The following NOL8 variants were observed in gnomAD, a reference collection of about 807,000 sequenced individuals.
NOL8 encodes nucleolar protein 8, also known as nucleolar protein Nop132.
NOL8 carries 93 observed loss-of-function variants against 116.1 expected under a neutral mutation model. The ratio of observed to expected loss-of-function variants is 0.80; its 90% CI spans 0.68 to 0.95. NOL8 has a LOEUF of 0.95. Ranked by LOEUF, NOL8 falls within the 40% of genes least tolerant of loss-of-function variation. NOL8 has a pLI of 0.00. For synonymous variants in NOL8, 419 were observed against 469.0 expected, an observed-to-expected ratio of 0.89 and a Z score of 1.38; for missense variants, 1,291 against 1,382.8, an observed-to-expected ratio of 0.93 and a Z score of 1.05.
intron 12 of NOL8, among the ~76,000 whole-genome samples, 162 bp downstream of exon 12, chr9:92,305,591 C>T (rs755273284): frequency 6.6e-6 from 1 of 152,180 alleles, no homozygotes; most frequent in Non-Finnish European, 1.5e-5. Flanking sequence ...TCCTCCACCA[C>T]ATCAATAATT....
chr9:92,315,001 C>T lies in NOL8; in HGVS notation c.1624G>A (p.Ala542Thr), dbSNP rs757443793. ...TCTAACAGGGAAGCCACAATCTCCG[C>T]AGGACGAATACACTGTCGGCCTCTG... ...LRRGRQCIRP[A>T]EIVASLLEGE... The change falls in exon 7 of 17, where the codon GCG becomes ACG. Residue 542 changes from alanine to threonine, a missense_variant. By Grantham distance (58) the Ala-to-Thr change is moderately conservative. Transcript: ENST00000442668. 5 of 1,614,032 alleles carry T rather than the reference C, an allele frequency of 3.1e-6. No homozygotes were observed. Among genetic ancestry groups the T allele is most frequent in the Non-Finnish European group, 4.2e-6 (5 of 1,179,892 alleles).
chr9:92,303,178 A>G (rs144036077), intron 12 of NOL8, among the ~76,000 whole-genome samples: 5 of 152,236 alleles, frequency 3.3e-5, no homozygotes, highest in Admixed American at 3.3e-4. Flanking sequence ...GAAGACTCCT[A>G]ATCTCCAGAA....
rs771775750 is a variant in NOL8, at chr9:92,319,380, TAA to T, written c.282-26_282-25del. 98 of 1,518,862 alleles carry T rather than the reference TAA, an allele frequency of 6.5e-5. No homozygotes were observed. The African/African-American group carries it at 1.2e-3, about 19-fold the overall frequency. The allele number at this position is 1,518,862 out of a possible 1,614,324, so 94.1% of individuals were successfully genotyped here. ...ATCTGAATCAAAAAGAAAATACAAA[TAA>T]AAGAGTCAAAATAATCAGCCACGTA... On this transcript the variant is annotated intron_variant, in intron 4 of 16. Coordinates refer to ENST00000442668, the MANE Select transcript of NOL8 (RefSeq NM_017948.6).
chr9:92,298,127 G>C (rs935935350), intron 16 of NOL8, 130 bp downstream of exon 16: 8 of 729,100 alleles, frequency 1.1e-5, no homozygotes, highest in Admixed American at 3.0e-5. Flanking sequence ...TGGATTCTGA[G>C]ACCAGTCACT....
intron 7 of NOL8, among the ~76,000 whole-genome samples, chr9:92,311,771 C>G (rs1454359053): frequency 2.6e-5 from 4 of 152,074 alleles, no homozygotes; most frequent in African/African-American, 9.7e-5. Context: ...ATGCATTCAC[C>G]CACAGTGGAA....
chr9:92,314,615 ATT>A lies in NOL8; in HGVS notation c.2008_2009del (p.Asn670SerfsTer4). ...SPSSSEKRSK[N>X]PISRPLEGKK... ...TACCTTCTAATGGCCTAGAAATAGGATTCTTACTTCTCTTTTCAGAACTGCTA... is the reference window on the plus strand; with the variant it reads ...TACCTTCTAATGGCCTAGAAATAGGACTTACTTCTCTTTTCAGAACTGCTA... On this transcript the variant is annotated frameshift_variant, in exon 7 of 17. Transcript: ENST00000442668. LOFTEE classifies it high-confidence loss of function. 1.2e-6 allele frequency: 2 copies of A among 1,612,872 alleles called. No individual in the cohort carries two copies. Among genetic ancestry groups the A allele is most frequent in the South Asian group, 1.1e-5 (1 of 90,836 alleles).
intron 11 of NOL8, 60 bp from the exon 12 acceptor site, chr9:92,305,890 T>G: frequency 8.8e-7 from 1 of 1,140,366 alleles, no homozygotes; most frequent in Non-Finnish European, 1.3e-6. Context: ...ATACAAAAAG[T>G]AAGTAGCAAA....
rs558221223 is a variant in NOL8, at chr9:92,314,480, G to A, written c.2145C>T (p.Ser715=). ...EASQEERSDS[S]GLTSLKKSPK... ...GTGATTTCTTGAGAGATGTGAGGCC[G>A]CTTGAATCAGACCGCTCTTCCTGTG... Residue 715 remains serine, a synonymous_variant, in exon 7 of 17, where the codon AGC becomes AGT. Coordinates refer to ENST00000442668, the MANE Select transcript of NOL8 (RefSeq NM_017948.6). The A allele has an allele frequency of 1.9e-5, 30 of 1,612,786 alleles. No homozygotes were observed. In the South Asian group the frequency reaches 2.1e-4, roughly 11 times the overall value.
chr9:92,323,298 C>T (rs1331641235), intron 3 of NOL8, 143 bp downstream of exon 3: 14 of 1,535,664 alleles, frequency 9.1e-6, no homozygotes, highest in African/African-American at 4.1e-5. Context: ...CTGAGTTATA[C>T]GATACTGGAA....
At chr9:92,312,740 T>A (rs1382148762) in intron 7 of NOL8, among the ~76,000 whole-genome samples, 1 of 149,356 alleles carries the variant, frequency 6.7e-6, no homozygotes, top group African/African-American at 2.5e-5. Flanking sequence ...GGCAGGAGAA[T>A]TGCTTGAACC....
intron 10 of NOL8, among the ~76,000 whole-genome samples, chr9:92,307,534 G>C (rs898802042): frequency 2.0e-5 from 3 of 152,086 alleles, no homozygotes; most frequent in Non-Finnish European, 4.4e-5. Flanking sequence ...ACATACTAAG[G>C]CATCATGGAC....
chr9:92,320,352 G>A (rs1055938034), intron 4 of NOL8: 1 of 361,168 alleles, frequency 2.8e-6, no homozygotes, highest in East Asian at 7.3e-5. Context: ...TGGGGCTCTA[G>A]TGCCTGTACA....
chr9:92,325,122 G>T (rs1049018931), intron 1 of NOL8, 184 bp downstream of exon 1: 1 of 152,136 alleles, frequency 6.6e-6, no homozygotes, highest in Non-Finnish European at 1.5e-5. Flanking sequence ...CTTTCCAGAA[G>T]AGACTCCCAA....
Position 92,314,325 on chromosome 9 carries a change from G to A in NOL8, c.2300C>T (p.Ala767Val), listed in dbSNP as rs200688484. ...CTGCACTTCTTTTGCTTTTTGCCTC[G>A]CTTCCAAGGCTGCCAAACGCTTCTC... ...DNEKRLAALE[A>V]RQKAKEVQKK... Residue 767 changes from alanine (A) to valine (V), a missense_variant, in exon 7 of 17, where the codon GCG (alanine) becomes GTG (valine). Transcript: ENST00000442668. 393 of 1,601,028 alleles carry A rather than the reference G, an allele frequency of 2.5e-4. No homozygotes were observed. Among genetic ancestry groups the A allele is most frequent in the Non-Finnish European group, 3.2e-4 (375 of 1,171,946 alleles).
At chr9:92,300,476 T>C (rs927422100) in intron 13 of NOL8, 5 of 988,460 alleles carry the variant, frequency 5.1e-6, no homozygotes, top group Non-Finnish European at 6.0e-6. Context: ...CTGGAAAAAC[T>C]ACTGCTATAA....
chr9:92,315,967 TCTTC>T lies in NOL8; in HGVS notation c.654_657del (p.Lys219Ter). ...CTCTCATCCTTCTGCACTTTTATTA[TCTTC>T]TTGGGAGGGCCATGAAAGTCAGAGA... is the stretch of plus-strand genomic sequence containing the variant. On this transcript the variant is annotated frameshift_variant, in exon 7 of 17. Coordinates refer to ENST00000442668, the MANE Select transcript of NOL8 (RefSeq NM_017948.6). LOFTEE classifies it high-confidence loss of function. The T allele has an allele frequency of 6.2e-7, 1 of 1,613,934 alleles. No individual in the cohort carries two copies. The highest frequency in any genetic ancestry group is 8.5e-7 in the Non-Finnish European group (1 of 1,179,878).
rs1022670285 is a variant in NOL8, at chr9:92,321,537, T to C, written c.281+131A>G. ...GAAGGGGATTCAGAGTTGAAAGGGA[T>C]TTCAGCTCTACTTATATGTTTGAAT... On this transcript the variant is annotated intron_variant, in intron 4 of 16. Transcript: ENST00000442668. 18 of 594,592 alleles carry C rather than the reference T, an allele frequency of 3.0e-5. No homozygotes were observed. The African/African-American group carries it at 4.9e-4, about 16-fold the overall frequency. The allele number at this position is 594,592 out of a possible 1,614,324, so 36.8% of individuals were successfully genotyped here. A position where few individuals can be genotyped will look rare whatever the true frequency, so the allele number is the denominator to read the frequency against.
chr9:92,300,357 TA>T (rs1837631292), intron 13 of NOL8: 3 of 994,304 alleles, frequency 3.0e-6, no homozygotes, highest in Non-Finnish European at 3.6e-6. Context: ...ATGAGAAGCC[TA>T]AAATATAATA....
rs1839150197 is a variant in NOL8 at position 92,314,341 on chromosome 9, A to G, written c.2284T>C (p.Leu762=). The change falls in exon 7 of 17, where the codon TTG becomes CTG. Residue 762 remains leucine (L), a synonymous_variant. Coordinates refer to ENST00000442668, the MANE Select transcript of NOL8 (RefSeq NM_017948.6). The part of the protein sequence containing the change: ...DKHAEDNEKR[L]AALEARQKAK... ...TTTTGCCTCGCTTCCAAGGCTGCCA[A>G]ACGCTTCTCATTGTCTTCAGCATGC... The G allele has an allele frequency of 3.7e-6, 6 of 1,610,602 alleles. No individual in the cohort carries two copies. The highest frequency in any genetic ancestry group is 5.1e-6 in the Non-Finnish European group (6 of 1,177,204).
Sources: gnomAD v4.1 joint callset for allele counts (sites outside exome capture counted in the v4.1 genomes callset) on GRCh38, gnomAD v4.1.1 for gene constraint, MANE v1.5 for transcripts, NCBI Gene and HGNC (gene_info 2026-07-23, HGNC 2026-07-21) for gene names.